PRKG1: variants seen among roughly 807,000 people sequenced by gnomAD.
PRKG1 encodes cGMP-dependent protein kinase 1.
Under a neutral mutation model 88.1 loss-of-function variants are expected in PRKG1, and 35 were observed. The observed-to-expected ratio is 0.40, with a 90% CI of 0.30 to 0.53. The LOEUF is 0.53. PRKG1 is among the 20% of genes least tolerant of loss of function. The probability of loss-of-function intolerance (pLI) is 0.59; values close to 1 mark genes in which losing one functional copy is unlikely to be tolerated. For missense variants in PRKG1, 540 were observed against 839.8 expected (o/e 0.64, Z 4.41); for synonymous variants, 303 against 292.5 (o/e 1.04, Z -0.37).
At chr10:51,906,981 A>G (rs1842100035) in intron 4 of PRKG1, among the ~76,000 whole-genome samples, 3 of 152,122 alleles carry the variant, frequency 2.0e-5, no homozygotes, top group Admixed American at 2.0e-4. Context: ...TTCTATTTTA[A>G]GACTTACAAT....
intron 3 of PRKG1, among the ~76,000 whole-genome samples, chr10:51,762,989 A>G (rs1006570210): frequency 1.3e-5 from 2 of 152,218 alleles, no homozygotes; most frequent in African/African-American, 4.8e-5. Flanking sequence ...GTCAATGACT[A>G]GCTATTTTAC....
At chr10:51,960,499 T>TC (rs1843420557) in intron 5 of PRKG1, among the ~76,000 whole-genome samples, 1 of 151,376 alleles carries the variant, frequency 6.6e-6, no homozygotes, top group South Asian at 2.1e-4. Flanking sequence ...TCCTGCCCCC[T>TC]CCCCACCACA....
intron 5 of PRKG1, among the ~76,000 whole-genome samples, chr10:51,920,878 A>G (rs1047998501): frequency 2.0e-5 from 3 of 152,088 alleles, no homozygotes; most frequent in Non-Finnish European, 4.4e-5. Flanking sequence ...GAATTCTCAT[A>G]TACTCCCTCT....
intron 4 of PRKG1, among the ~76,000 whole-genome samples, chr10:51,893,429 G>A (rs1452128245): frequency 2.6e-5 from 4 of 151,956 alleles, no homozygotes; most frequent in Admixed American, 6.6e-5. Flanking sequence ...CTGCTGTCAG[G>A]GCACAATGGG....
chr10:51,774,650 A>G (rs1838389560), intron 3 of PRKG1, among the ~76,000 whole-genome samples: 1 of 152,136 alleles, frequency 6.6e-6, no homozygotes, highest in Admixed American at 6.5e-5. Context: ...GTAATAGCTC[A>G]ATCCTTGAAT....
intron 10 of PRKG1, among the ~76,000 whole-genome samples, chr10:52,265,928 A>T (rs1589745284): frequency 6.6e-6 from 1 of 152,196 alleles, no homozygotes; most frequent in East Asian, 1.9e-4. Flanking sequence ...AATATAGCAC[A>T]TAGCATTTCT....
chr10:51,144,036 T>A (rs1178789237), intron 1 of PRKG1, among the ~76,000 whole-genome samples: 1 of 152,110 alleles, frequency 6.6e-6, no homozygotes, highest in African/African-American at 2.4e-5. Context: ...ATCCAAAAAA[T>A]CCTTGCCTGG....
chr10:51,261,750 G>GAC (rs1839711356), intron 2 of PRKG1, among the ~76,000 whole-genome samples: 1 of 152,182 alleles, frequency 6.6e-6, no homozygotes, highest in South Asian at 2.1e-4. Context: ...TCCAGGGCTT[G>GAC]AGGGGAAGTA....
rs531231471 is a variant in PRKG1, at chr10:52,060,717, A to G, written c.841-1820A>G. Among the ~76,000 whole-genome samples the G allele has an allele frequency of 2.0e-5, 3 of 152,004 alleles. No homozygotes were observed. The East Asian group carries it at 5.8e-4, about 29-fold the overall frequency. The stretch of plus-strand genomic sequence containing the variant: ...CATCCATTGATGGTAGGAATGTAAG[A>G]TTGTACCAAGAGTGAGTTAATACCT... On this transcript the variant is annotated intron_variant, in intron 6 of 17. Coordinates refer to ENST00000373980, the MANE Select transcript of PRKG1 (RefSeq NM_006258.4).
At chr10:51,661,415 A>G (rs1589169974) in intron 3 of PRKG1, among the ~76,000 whole-genome samples, 1 of 152,152 alleles carries the variant, frequency 6.6e-6, no homozygotes, top group Non-Finnish European at 1.5e-5. Flanking sequence ...AAAAGTGGGC[A>G]AAGGATATGA....
At chr10:51,797,635 T>A (rs1200615799) in intron 3 of PRKG1, among the ~76,000 whole-genome samples, 3 of 149,082 alleles carry the variant, frequency 2.0e-5, no homozygotes, top group African/African-American at 7.3e-5. Context: ...TAATAAACTT[T>A]TATTTTTTAT....
chr10:52,297,347 T>G lies in PRKG1; in HGVS notation c.*3447T>G, dbSNP rs1362260973. On this transcript the variant is annotated 3_prime_UTR_variant, in exon 18 of 18. Transcript: ENST00000373980. ...AGAACATGACCTGGCTATCTGGCAT[T>G]GTTGCAAGTGCCTTAAATTCATGGC... is the stretch of plus-strand genomic sequence containing the variant. 1.3e-5 allele frequency: 2 copies of G among 152,172 alleles called. No homozygotes were observed. The highest frequency in any genetic ancestry group is 4.8e-5 in the African/African-American group (2 of 41,446). The allele number at this position is 152,172 out of a possible 1,614,324, so 9.4% of individuals were successfully genotyped here.
At chr10:52,036,558 C>T (rs994093810) in intron 5 of PRKG1, among the ~76,000 whole-genome samples, 17 of 139,468 alleles carry the variant, frequency 1.2e-4, no homozygotes, top group East Asian at 1.0e-3. Context: ...GAGATGGTAA[C>T]GGGTGCATGA....
intron 5 of PRKG1, among the ~76,000 whole-genome samples, chr10:52,031,942 A>G (rs1435864428): frequency 6.6e-6 from 1 of 152,216 alleles, no homozygotes; most frequent in Non-Finnish European, 1.5e-5. Flanking sequence ...GGGAAAAGGC[A>G]TCCACAATAC....
intron 10 of PRKG1, among the ~76,000 whole-genome samples, chr10:52,263,411 T>G (rs1841483481): frequency 6.6e-6 from 1 of 152,050 alleles, no homozygotes; most frequent in Non-Finnish European, 1.5e-5. Flanking sequence ...TTTAACAACT[T>G]CATTGAGGTA....
chr10:51,933,368 T>G lies in PRKG1; in HGVS notation c.762+25798T>G, dbSNP rs572455045. ...ATGATCTATAAGCTTCATTCCCATCTATAATTTTATCTGGTCCCATTATTC... is the reference window on the plus strand; with the variant it reads ...ATGATCTATAAGCTTCATTCCCATCGATAATTTTATCTGGTCCCATTATTC... On this transcript the variant is annotated intron_variant, in intron 5 of 17. Transcript: ENST00000373980. 1.2e-3 allele frequency among the ~76,000 whole-genome samples: 183 copies of G among 152,326 alleles called. 1 individual carries two copies. Among genetic ancestry groups the G allele is most frequent in the Non-Finnish European group, 2.0e-3 (139 of 68,026 alleles).
At chr10:51,649,386 AT>A (rs200421342) in intron 3 of PRKG1, among the ~76,000 whole-genome samples, 21 of 150,724 alleles carry the variant, frequency 1.4e-4, no homozygotes, top group East Asian at 1.2e-3. Context: ...TAATGATTTA[AT>A]TTTTTTTTTC....
At chr10:51,746,518 T>G (rs1430089439) in intron 3 of PRKG1, among the ~76,000 whole-genome samples, 1 of 151,936 alleles carries the variant, frequency 6.6e-6, no homozygotes, top group African/African-American at 2.4e-5. Context: ...GGTCAGGAGT[T>G]CGAGACCAGC....
At chr10:51,693,925 A>G (rs1171680107) in intron 3 of PRKG1, among the ~76,000 whole-genome samples, 2 of 152,204 alleles carry the variant, frequency 1.3e-5, no homozygotes. Flanking sequence ...TAACATTTGA[A>G]ATAAATATAT....
Sources: gnomAD v4.1 joint callset for allele counts (sites outside exome capture counted in the v4.1 genomes callset) on GRCh38, gnomAD v4.1.1 for gene constraint, MANE v1.5 for transcripts, NCBI Gene and HGNC (gene_info 2026-07-23, HGNC 2026-07-21) for gene names.